Variants in COL10A1 observed in about 807,000 individuals in gnomAD.
COL10A1 encodes the protein collagen alpha-1(X) chain.
COL10A1 carries 10 observed loss-of-function variants against 18.2 expected under a neutral mutation model. The observed-to-expected ratio is 0.55, with a 90% CI of 0.34 to 0.93. COL10A1 has a LOEUF of 0.93. Among genes scored for constraint, COL10A1 ranks in the 40% least tolerant of loss-of-function variants. COL10A1 has a pLI of 0.02. For synonymous variants in COL10A1, 330 were observed against 316.6 expected, an observed-to-expected ratio of 1.04 and a Z score of -0.45; for missense variants, 897 against 853.5, an observed-to-expected ratio of 1.05 and a Z score of -0.64.
At chr6:116,134,423 A>G (rs1053324965) in intron 1 of COL10A1, among the ~76,000 whole-genome samples, 1 of 152,188 alleles carries the variant, frequency 6.6e-6, no homozygotes, top group Non-Finnish European at 1.5e-5. Context: ...TCTTTCCTGA[A>G]CGTAATTCAA....
At chr6:116,195,432 G>A in the COL10A1 span, among the ~76,000 whole-genome samples, 1 of 151,924 alleles carries the variant, frequency 6.6e-6, no homozygotes, top group Non-Finnish European at 1.5e-5. Flanking sequence ...AGAGGTCATA[G>A]TAGTTTACCA....
the COL10A1 span, among the ~76,000 whole-genome samples, chr6:116,177,640 AAAGG>A: frequency 6.6e-6 from 1 of 152,230 alleles, no homozygotes; most frequent in African/African-American, 2.4e-5. Context: ...CTTTTTACTT[AAAGG>A]AATTTATCTA....
At chr6:116,154,964 C>T (rs1780147474) in intron 1 of COL10A1, among the ~76,000 whole-genome samples, 2 of 152,102 alleles carry the variant, frequency 1.3e-5, no homozygotes, top group Non-Finnish European at 1.5e-5. Context: ...CCATATACAA[C>T]CACATTGTTC....
the COL10A1 span, among the ~76,000 whole-genome samples, chr6:116,204,770 T>C: frequency 6.6e-6 from 1 of 151,974 alleles, no homozygotes; most frequent in South Asian, 2.1e-4. Flanking sequence ...TTCTAGAATG[T>C]AAGGTCTATG....
intron 1 of COL10A1, among the ~76,000 whole-genome samples, chr6:116,145,879 A>G (rs1779886155): frequency 6.6e-6 from 1 of 152,188 alleles, no homozygotes. Flanking sequence ...TTTAACATTT[A>G]TGTGATGGTA....
intron 1 of COL10A1, chr6:116,137,039 T>C (rs1779625087): frequency 5.2e-6 from 1 of 190,594 alleles, no homozygotes; most frequent in Admixed American, 5.0e-5. Flanking sequence ...CACTGTTAAG[T>C]CCTTGCAGTG....
At chr6:116,181,041 A>C in the COL10A1 span, among the ~76,000 whole-genome samples, 1 of 151,674 alleles carries the variant, frequency 6.6e-6, no homozygotes, top group African/African-American at 2.4e-5. Context: ...GTATTTTGGG[A>C]TGAAATCATA....
chr6:116,199,323 T>A, the COL10A1 span, among the ~76,000 whole-genome samples: 1 of 152,058 alleles, frequency 6.6e-6, no homozygotes, highest in Admixed American at 6.6e-5. Context: ...GATGCTGTGT[T>A]CTCATCCAGA....
upstream of COL10A1, among the ~76,000 whole-genome samples, chr6:116,160,189 A>G (rs768046168): frequency 1.2e-4 from 19 of 152,186 alleles, no homozygotes; most frequent in Non-Finnish European, 2.1e-4. Flanking sequence ...AGAAATGCCC[A>G]TAATGTTTTC....
chr6:116,179,757 A>G, the COL10A1 span, among the ~76,000 whole-genome samples: 1 of 152,094 alleles, frequency 6.6e-6, no homozygotes, highest in Non-Finnish European at 1.5e-5. Context: ...ACATACACCT[A>G]TCTTTGATGT....
chr6:116,133,004 G>C (rs1248294959), intron 1 of COL10A1, among the ~76,000 whole-genome samples: 1 of 152,108 alleles, frequency 6.6e-6, no homozygotes, highest in Non-Finnish European at 1.5e-5. Flanking sequence ...ATAAAAACAG[G>C]TGTTTATGAA....
At chr6:116,156,442 CTTA>C (rs1489322796) in intron 1 of COL10A1, among the ~76,000 whole-genome samples, 6 of 152,102 alleles carry the variant, frequency 3.9e-5, no homozygotes, top group African/African-American at 1.4e-4. Flanking sequence ...TTTCACTTAG[CTTA>C]TTATAGTCTG....
At chr6:116,171,081 G>A in the COL10A1 span, among the ~76,000 whole-genome samples, 2 of 151,950 alleles carry the variant, frequency 1.3e-5, no homozygotes, top group Middle Eastern at 3.4e-3. Context: ...ATCCTTAGAA[G>A]TCATCTTTTT....
At chr6:116,158,501 A>G (rs1292761142) in intron 1 of COL10A1, 2 of 152,210 alleles carry the variant, frequency 1.3e-5, no homozygotes, top group East Asian at 3.8e-4. Context: ...AATACATTTT[A>G]TCTCTTCAGA....
In COL10A1 at chr6:116,121,272, CT is replaced by C; in HGVS notation, c.843del (p.Gly282ValfsTer8). ...GCTATTCCTGGAGCCCCAGGGAGAC[CT>C]TTTGTTCCTGGAATCCCTGGCTGGC... Reference protein sequence around the residue: ...APGQPGIPGTKGLPGAPGIAG... With the variant: ...APGQPGIPGTXGLPGAPGIAG... On this transcript the variant is annotated frameshift_variant, in exon 3 of 3. Coordinates refer to ENST00000651968, the MANE Select transcript of COL10A1 (RefSeq NM_000493.4). LOFTEE classifies it high-confidence loss of function. 6.2e-7 allele frequency: 1 copy of C among 1,613,982 alleles called. No individual in the cohort carries two copies. Among genetic ancestry groups the C allele is most frequent in the Non-Finnish European group, 8.5e-7 (1 of 1,179,962 alleles).
chr6:116,165,595 A>C, the COL10A1 span, among the ~76,000 whole-genome samples: 1 of 152,198 alleles, frequency 6.6e-6, no homozygotes, highest in African/African-American at 2.4e-5. Flanking sequence ...TCCTACATCC[A>C]CAACAGTGGA....
At chr6:116,143,605 C>T (rs1263488397) in intron 1 of COL10A1, among the ~76,000 whole-genome samples, 1 of 152,088 alleles carries the variant, frequency 6.6e-6, no homozygotes, top group Non-Finnish European at 1.5e-5. Flanking sequence ...GTCACACTGT[C>T]CTTGTTAGCT....
rs534951462 is a variant in COL10A1 at position 116,136,020 on chromosome 6, C to T, written c.-15-10513G>A. ...CTCGAACTATAGTCACCATGCTGTA[C>T]ATTAGATTTCATGAACTTATTCATC... On this transcript the variant is annotated intron_variant, in intron 1 of 1. Transcript: ENST00000418500. Among the ~76,000 whole-genome samples, 114 of 151,922 alleles carry T rather than the reference C, an allele frequency of 7.5e-4. 1 individual carries two copies. Among genetic ancestry groups the T allele is most frequent in the Non-Finnish European group, 1.1e-3 (78 of 67,948 alleles).
At chr6:116,161,291 T>C (rs992176974), upstream of COL10A1, among the ~76,000 whole-genome samples, 2 of 151,668 alleles carry the variant, frequency 1.3e-5, no homozygotes, top group Admixed American at 6.6e-5. Context: ...TGTATACATA[T>C]GTAACTAACC....
Sources: gnomAD v4.1 joint callset for allele counts (sites outside exome capture counted in the v4.1 genomes callset) on GRCh38, gnomAD v4.1.1 for gene constraint, MANE v1.5 for transcripts, NCBI Gene and HGNC (gene_info 2026-07-23, HGNC 2026-07-21) for gene names.